Variants in XRN2 observed in about 807,000 individuals in gnomAD.
XRN2 encodes the protein 5'-3' exoribonuclease 2.
In XRN2, 44 loss-of-function variants were observed where a neutral mutation model predicts 138.5. The ratio of observed to expected loss-of-function variants is 0.32; its 90% CI spans 0.25 to 0.41. XRN2 has a LOEUF of 0.41. Ranked by LOEUF, XRN2 falls within the 10% of genes least tolerant of loss-of-function variation. The probability of loss-of-function intolerance (pLI) is 1.00; values close to 1 mark genes in which losing one functional copy is unlikely to be tolerated. For missense variants in XRN2, 937 were observed against 1,169.3 expected (o/e 0.80, Z 2.90); for synonymous variants, 354 against 369.4 (o/e 0.96, Z 0.48).
Position 21,368,466 on chromosome 20 carries a change from T to C in XRN2, c.2460T>C (p.His820=), listed in dbSNP as rs778117684. The C allele has an allele frequency of 7.4e-6, 12 of 1,613,754 alleles. No individual in the cohort carries two copies. The highest frequency in any genetic ancestry group is 1.1e-5 in the South Asian group (1 of 91,056). The part of the protein sequence containing the change: ...LDQAAFRTLG[H]VMPRGSGTGI... ...CTTGTGTTGGGTCCTTTTATAGCCA[T>C]GTGATGCCAAGAGGCTCAGGAACTG... The change falls in exon 27 of 30, where the codon CAT becomes CAC. Residue 820 remains histidine (H), a synonymous_variant. Coordinates refer to ENST00000377191, the MANE Select transcript of XRN2 (RefSeq NM_012255.5).
chr20:21,318,100 A>G (rs1416898269), intron 1 of XRN2, among the ~76,000 whole-genome samples: 4 of 151,870 alleles, frequency 2.6e-5, no homozygotes, highest in African/African-American at 9.7e-5. Flanking sequence ...AATTGCTTTA[A>G]CTTGTTATGG....
chr20:21,384,516 G>A (rs530221918), intron 28 of XRN2, among the ~76,000 whole-genome samples: 7 of 152,194 alleles, frequency 4.6e-5, no homozygotes, highest in Admixed American at 1.3e-4. Context: ...ATTGAGACAA[G>A]GTCTCACTCT....
intron 20 of XRN2, among the ~76,000 whole-genome samples, chr20:21,351,328 AT>A (rs2038507921): frequency 6.6e-6 from 1 of 152,104 alleles, no homozygotes; most frequent in Non-Finnish European, 1.5e-5. Context: ...TGTGGTGGCG[AT>A]TTGCATTTTC....
chr20:21,314,967 T>C (rs912035921), intron 1 of XRN2, among the ~76,000 whole-genome samples: 18 of 152,194 alleles, frequency 1.2e-4, no homozygotes, highest in Admixed American at 7.9e-4. Flanking sequence ...CCGGGGCAGA[T>C]AGAGTCTTGA....
chr20:21,386,754 A>G, intron 28 of XRN2, 114 bp from the exon 29 acceptor site: 1 of 1,343,876 alleles, frequency 7.4e-7, no homozygotes. Context: ...ATCCCATATG[A>G]TAAATCCAGG....
chr20:21,349,467 A>AT lies in XRN2; in HGVS notation c.1936+9dup. The AT allele has an allele frequency of 6.3e-7, 1 of 1,589,378 alleles. No individual in the cohort carries two copies. Among genetic ancestry groups the AT allele is most frequent in the Non-Finnish European group, 8.6e-7 (1 of 1,158,784 alleles). ...GAAGAAATATGCATGGCAAGGTAAA[A>AT]TTTAGACGTTCTTTTCTGGTAAAAC... On this transcript the variant is annotated splice_region_variant and intron_variant, in intron 20 of 29. Transcript: ENST00000377191.
At chr20:21,370,698 G>A (rs531776141) in intron 27 of XRN2, among the ~76,000 whole-genome samples, 56 of 152,276 alleles carry the variant, frequency 3.7e-4, no homozygotes, top group African/African-American at 1.3e-3. Context: ...GGTCAGAAAT[G>A]TTGACCACAA....
intron 20 of XRN2, among the ~76,000 whole-genome samples, chr20:21,350,462 C>G (rs2038493382): frequency 8.2e-6 from 1 of 121,636 alleles, no homozygotes; most frequent in South Asian, 2.9e-4. Context: ...GGAGGCAGAG[C>G]TTGCAGTGAG....
intron 20 of XRN2, among the ~76,000 whole-genome samples, chr20:21,353,996 T>G (rs568706963): frequency 1.3e-5 from 2 of 152,194 alleles, no homozygotes; most frequent in African/African-American, 2.4e-5. Context: ...CTTTGCTGTG[T>G]ATTGTAAAAT....
chr20:21,315,074 G>A (rs936299488), intron 1 of XRN2, among the ~76,000 whole-genome samples: 3 of 152,168 alleles, frequency 2.0e-5, no homozygotes, highest in Non-Finnish European at 4.4e-5. Context: ...CTGAGCTAAT[G>A]CTTTAAAAAA....
chr20:21,310,491 A>G (rs1440577645), intron 1 of XRN2, among the ~76,000 whole-genome samples: 1 of 152,202 alleles, frequency 6.6e-6, no homozygotes, highest in Non-Finnish European at 1.5e-5. Context: ...TATTAGGTGC[A>G]TAAATGCTTA....
chr20:21,334,980 T>C (rs1199329145), intron 13 of XRN2, among the ~76,000 whole-genome samples: 1 of 152,078 alleles, frequency 6.6e-6, no homozygotes, highest in African/African-American at 2.4e-5. Context: ...AAACTATGAG[T>C]GTACTATGAG....
intron 27 of XRN2, among the ~76,000 whole-genome samples, chr20:21,380,477 A>G (rs1450753038): frequency 2.6e-5 from 4 of 152,186 alleles, no homozygotes; most frequent in African/African-American, 7.2e-5. Context: ...CTCTTCAGAA[A>G]ATTGATTTTC....
At position 21,389,495 on chromosome 20, in the gene XRN2, ATG is replaced by A. The variant is rs2038967356; in HGVS notation, c.*159_*160del. On this transcript the variant is annotated 3_prime_UTR_variant, in exon 30 of 30. Transcript: ENST00000377191. ...TTCTACTGATCTGATCTCACTGTTT[ATG>A]TTGCTTTCCAAAGATGTATGTTGCA... The A allele has an allele frequency of 1.6e-6, 1 of 637,528 alleles. No homozygotes were observed. The highest frequency in any genetic ancestry group is 2.6e-6 in the Non-Finnish European group (1 of 390,084). 39.5% of individuals were successfully genotyped at this position (637,528 alleles called of 1,614,324 possible).
Position 21,372,706 on chromosome 20 carries a change from A to G in XRN2, c.2584+4116A>G, listed in dbSNP as rs146988414. ...TAACATATGTAAAGTGCTAAATCGA[A>G]CCGTACAGTGTAGTTTTTATGAAAT... is the stretch of plus-strand genomic sequence containing the variant. On this transcript the variant is annotated intron_variant, in intron 27 of 29. Coordinates refer to ENST00000377191, the MANE Select transcript of XRN2 (RefSeq NM_012255.5). Among the ~76,000 whole-genome samples, 578 of 152,204 alleles carry G rather than the reference A, an allele frequency of 3.8e-3. 6 individuals are homozygous for G. The highest frequency in any genetic ancestry group is 0.013 in the African/African-American group (558 of 41,530).
rs558578817 is a variant in XRN2, at chr20:21,375,855, T to C, written c.2585-6139T>C. Reference sequence around the variant, plus strand: ...TTTATTTATTTATTTATTTATTTATTTGAGACGGAGTCTCTCTCTGTCGCC... The same window carrying C: ...TTTATTTATTTATTTATTTATTTATCTGAGACGGAGTCTCTCTCTGTCGCC... On this transcript the variant is annotated intron_variant, in intron 27 of 29. Coordinates refer to ENST00000377191, the MANE Select transcript of XRN2 (RefSeq NM_012255.5). 1.2e-4 allele frequency among the ~76,000 whole-genome samples: 18 copies of C among 151,666 alleles called. 1 individual carries two copies. The highest frequency in any genetic ancestry group is 3.9e-4 in the African/African-American group (16 of 41,484).
chr20:21,323,368 C>T (rs2038075108), intron 1 of XRN2, among the ~76,000 whole-genome samples: 2 of 152,188 alleles, frequency 1.3e-5, no homozygotes, highest in African/African-American at 4.8e-5. Context: ...TTCAGTCTGT[C>T]ATCTGGGGAA....
At chr20:21,353,242 ATATATATATATATATATATATATC>A (rs1271243939) in intron 20 of XRN2, among the ~76,000 whole-genome samples, 1,417 of 18,730 alleles carry the variant, frequency 0.076, 19 homozygotes, top group East Asian at 0.15. Flanking sequence ...ATATATATAT[ATATATATATATATATATATATATC>A]TCTTAAATGT....
Position 21,354,778 on chromosome 20 carries a change from T to C in XRN2, c.1937-11T>C. The C allele has an allele frequency of 6.2e-7, 1 of 1,613,614 alleles. No individual in the cohort carries two copies. The highest frequency in any genetic ancestry group is 8.5e-7 in the Non-Finnish European group (1 of 1,179,772). ...GTAGCAGGGGTGGTTCATTTGCACT[T>C]GTTTTTTCAGGTGTTGCTCTCTTGC... On this transcript the variant is annotated splice_polypyrimidine_tract_variant and intron_variant, in intron 20 of 29. Coordinates refer to ENST00000377191, the MANE Select transcript of XRN2 (RefSeq NM_012255.5).
Sources: gnomAD v4.1 joint callset for allele counts (sites outside exome capture counted in the v4.1 genomes callset) on GRCh38, gnomAD v4.1.1 for gene constraint, MANE v1.5 for transcripts, NCBI Gene and HGNC (gene_info 2026-07-23, HGNC 2026-07-21) for gene names.